Variants in TENM4 observed in about 807,000 individuals in gnomAD.
TENM4 encodes teneurin-4.
TENM4 carries 82 observed loss-of-function variants against 243.3 expected under a neutral mutation model. The observed-to-expected ratio is 0.34, with a 90% CI of 0.28 to 0.40. The LOEUF (loss-of-function observed/expected upper bound fraction) is 0.40. Ranked by LOEUF, TENM4 falls within the 10% of genes least tolerant of loss-of-function variation. The pLI, the probability that TENM4 is intolerant of heterozygous loss-of-function variation, is 1.00. For synonymous variants in TENM4, 1,412 were observed against 1,456.3 expected (o/e 0.97, Z 0.69); for missense variants, 3,138 against 3,673.3 (o/e 0.85, Z 3.77).
chr11:79,363,506 TTG>T (rs1257936406), intron 1 of TENM4, among the ~76,000 whole-genome samples: 3 of 152,240 alleles, frequency 2.0e-5, no homozygotes, highest in African/African-American at 2.4e-5. Flanking sequence ...GTGCAGTCTG[TTG>T]TGACTATCCG....
At chr11:78,738,096 A>G (rs1855840122) in intron 20 of TENM4, among the ~76,000 whole-genome samples, 1 of 152,246 alleles carries the variant, frequency 6.6e-6, no homozygotes, top group East Asian at 1.9e-4. Flanking sequence ...AAGCAGCTGC[A>G]GGATGGAAAC....
intron 2 of TENM4, among the ~76,000 whole-genome samples, chr11:79,244,657 A>G (rs1026772504): frequency 6.6e-6 from 1 of 152,174 alleles, no homozygotes; most frequent in East Asian, 1.9e-4. Flanking sequence ...AAAATATATT[A>G]TGACTCAGTC....
At chr11:79,282,353 G>A (rs1209718989) in intron 2 of TENM4, among the ~76,000 whole-genome samples, 1 of 152,172 alleles carries the variant, frequency 6.6e-6, no homozygotes, top group Non-Finnish European at 1.5e-5. Context: ...TCCAGGGCCT[G>A]GCACAGGAAA....
intron 22 of TENM4, among the ~76,000 whole-genome samples, chr11:78,727,901 T>C (rs1161630511): frequency 2.6e-5 from 4 of 152,224 alleles, no homozygotes; most frequent in Non-Finnish European, 2.9e-5. Flanking sequence ...TTAAAGTTTC[T>C]TGTAGATGCC....
intron 1 of TENM4, among the ~76,000 whole-genome samples, chr11:79,314,941 G>C (rs1234150392): frequency 6.6e-6 from 1 of 152,220 alleles, no homozygotes; most frequent in Non-Finnish European, 1.5e-5. Flanking sequence ...TGTGGCCAGG[G>C]CCAAGAACAG....
At chr11:79,251,664 T>A (rs915010477) in intron 2 of TENM4, among the ~76,000 whole-genome samples, 4 of 152,064 alleles carry the variant, frequency 2.6e-5, no homozygotes, top group South Asian at 2.1e-4. Flanking sequence ...AACAAGAAGG[T>A]TTGACACCCT....
intron 28 of TENM4, among the ~76,000 whole-genome samples, chr11:78,692,425 C>T (rs1590942626): frequency 6.6e-6 from 1 of 152,132 alleles, no homozygotes; most frequent in Non-Finnish European, 1.5e-5. Flanking sequence ...TCTGTTTTCT[C>T]TTCTATAAAT....
At chr11:78,706,867 T>C (rs1469763226) in intron 27 of TENM4, among the ~76,000 whole-genome samples, 2 of 152,174 alleles carry the variant, frequency 1.3e-5, no homozygotes, top group Non-Finnish European at 2.9e-5. Context: ...GCTCACAGAC[T>C]GGAGAGGGAA....
chr11:78,759,306 C>T (rs1377763891), intron 18 of TENM4, among the ~76,000 whole-genome samples: 3 of 152,218 alleles, frequency 2.0e-5, no homozygotes, highest in African/African-American at 7.2e-5. Flanking sequence ...ATAATTACAG[C>T]CCGAGCTGAG....
intron 1 of TENM4, among the ~76,000 whole-genome samples, chr11:79,315,923 C>T (rs1434111352): frequency 6.6e-6 from 1 of 152,188 alleles, no homozygotes; most frequent in Non-Finnish European, 1.5e-5. Flanking sequence ...ACATTTAATG[C>T]ATTACTTTTC....
intron 4 of TENM4, among the ~76,000 whole-genome samples, chr11:79,145,617 T>C (rs1862382529): frequency 6.6e-6 from 1 of 152,146 alleles, no homozygotes; most frequent in South Asian, 2.1e-4. Context: ...CCATGTGTTT[T>C]GGTGGATATC....
At chr11:79,158,018 T>C (rs2135076128) in intron 3 of TENM4, among the ~76,000 whole-genome samples, 1 of 152,232 alleles carries the variant, frequency 6.6e-6, no homozygotes, top group South Asian at 2.1e-4. Context: ...GCTAGCACAA[T>C]TATGCTGTGC....
intron 4 of TENM4, among the ~76,000 whole-genome samples, chr11:79,076,031 G>A (rs1374934078): frequency 6.6e-6 from 1 of 152,196 alleles, no homozygotes; most frequent in Non-Finnish European, 1.5e-5. Flanking sequence ...AGTTTTATAA[G>A]CTTGTTCTTA....
At chr11:78,963,362 T>A (rs1390769921) in intron 6 of TENM4, among the ~76,000 whole-genome samples, 1 of 152,256 alleles carries the variant, frequency 6.6e-6, no homozygotes, top group Non-Finnish European at 1.5e-5. Flanking sequence ...TATCTGTGGC[T>A]GACCTTTCAA....
chr11:79,163,219 G>A (rs1309412101), intron 3 of TENM4, among the ~76,000 whole-genome samples: 1 of 152,066 alleles, frequency 6.6e-6, no homozygotes, highest in African/African-American at 2.4e-5. Flanking sequence ...AGGGACATTT[G>A]TTGAGCATTT....
At chr11:79,059,262 T>C (rs1860025754) in intron 6 of TENM4, among the ~76,000 whole-genome samples, 1 of 152,154 alleles carries the variant, frequency 6.6e-6, no homozygotes, top group African/African-American at 2.4e-5. Flanking sequence ...CCCAGACCCA[T>C]CATGCTTCTG....
intron 4 of TENM4, among the ~76,000 whole-genome samples, chr11:79,110,112 A>G (rs527833325): frequency 6.6e-6 from 1 of 152,304 alleles, no homozygotes. Flanking sequence ...TTTCGTAGAA[A>G]CAATACCCTC....
In TENM4 at chr11:78,719,696, C is replaced by T. The variant is rs143951135; in HGVS notation, c.3821+674G>A. Among the ~76,000 whole-genome samples the T allele has an allele frequency of 1.8e-3, 281 of 152,324 alleles. 2 individuals carry two copies. The highest frequency in any genetic ancestry group is 6.4e-3 in the African/African-American group (267 of 41,558). On this transcript the variant is annotated intron_variant, in intron 25 of 33. Transcript: ENST00000278550. ...CAGGGGACTCTGAGGTGACTGCTATCCAGGAGTCAGGTGAATGCCATAGTG... is the reference window on the plus strand; with the variant it reads ...CAGGGGACTCTGAGGTGACTGCTATTCAGGAGTCAGGTGAATGCCATAGTG...
At chr11:78,930,375 C>T (rs1030409815) in intron 6 of TENM4, among the ~76,000 whole-genome samples, 1 of 152,116 alleles carries the variant, frequency 6.6e-6, no homozygotes, top group African/African-American at 2.4e-5. Context: ...TCAAGTTTCC[C>T]CTTGATTAGA....
Sources: gnomAD v4.1 joint callset for allele counts (sites outside exome capture counted in the v4.1 genomes callset) on GRCh38, gnomAD v4.1.1 for gene constraint, MANE v1.5 for transcripts, NCBI Gene and HGNC (gene_info 2026-07-23, HGNC 2026-07-21) for gene names.